Variants in TCF25 observed in about 807,000 individuals in gnomAD.
TCF25 encodes TCF25 ribosome quality control complex subunit, also known as ribosome quality control complex subunit TCF25.
In TCF25, 41 loss-of-function variants were observed where a neutral mutation model predicts 83.1. That is an observed-to-expected ratio of 0.49 (90% CI 0.38 to 0.64). The LOEUF (loss-of-function observed/expected upper bound fraction) is 0.64. TCF25 is among the 30% of genes least tolerant of loss of function. The probability of loss-of-function intolerance (pLI) is 0.00; values close to 1 mark genes in which losing one functional copy is unlikely to be tolerated. For synonymous variants in TCF25, 458 were observed against 365.0 expected (o/e 1.25, Z -2.90); for missense variants, 979 against 914.5 (o/e 1.07, Z -0.91).
intron 5 of TCF25, chr16:89,890,131 A>G (rs938319317): frequency 6.6e-6 from 1 of 151,496 alleles, no homozygotes; most frequent in Non-Finnish European, 1.5e-5. Flanking sequence ...CGGCCTCCCA[A>G]AGTGCTGGGA....
chr16:89,883,698 G>A (rs941651026), intron 2 of TCF25, 186 bp downstream of exon 2: 37 of 664,926 alleles, frequency 5.6e-5, no homozygotes, highest in African/African-American at 4.0e-4. Flanking sequence ...AGTGAAGGTC[G>A]CAGGCCTTTC....
Position 89,910,648 on chromosome 16 carries a change from A to G in TCF25, c.1857A>G (p.Pro619=). ...TIALFFRSLL[P]NYTMEGERPE... ...CTCTCTTCTTCCGGTCACTGTTGCCAAACTATACCATGGAGGTAGGTTGAG... is the reference window on the plus strand; with the variant it reads ...CTCTCTTCTTCCGGTCACTGTTGCCGAACTATACCATGGAGGTAGGTTGAG... Residue 619 remains proline, a synonymous_variant, in exon 17 of 18, where the codon CCA becomes CCG. Coordinates refer to ENST00000263346, the MANE Select transcript of TCF25 (RefSeq NM_014972.3). 1.2e-6 allele frequency: 2 copies of G among 1,613,594 alleles called. No individual in the cohort carries two copies. The highest frequency in any genetic ancestry group is 1.1e-5 in the South Asian group (1 of 91,090).
intron 15 of TCF25, among the ~76,000 whole-genome samples, chr16:89,906,876 C>T (rs1184889900): frequency 2.6e-5 from 4 of 152,082 alleles, no homozygotes; most frequent in African/African-American, 9.7e-5. Flanking sequence ...CTGTGCAACC[C>T]GAGGGCAGCT....
intron 17 of TCF25, 139 bp downstream of exon 17, chr16:89,910,802 C>T: frequency 9.5e-7 from 1 of 1,057,866 alleles, no homozygotes. Context: ...CTGCATTGTG[C>T]CAGTGGGGTG....
chr16:89,874,131 C>T (rs1463591122), intron 1 of TCF25, among the ~76,000 whole-genome samples: 2 of 115,180 alleles, frequency 1.7e-5, no homozygotes, highest in African/African-American at 6.6e-5. Flanking sequence ...CGGGGCCGTG[C>T]TGTCGGGGCG....
At chr16:89,886,025 T>C (rs2042985022) in intron 4 of TCF25, 59 bp downstream of exon 4, 1 of 1,408,744 alleles carries the variant, frequency 7.1e-7, no homozygotes, top group Non-Finnish European at 1.0e-6. Flanking sequence ...TCTCTGCGGC[T>C]GCCCTTCTCT....
chr16:89,911,289 T>A lies in TCF25; in HGVS notation c.*51T>A. Reference sequence around the variant, plus strand: ...CGTATGATGATGTTCCCGATTTCTCTGTTGGTCGGAGTCGGCCAGTTGCCT... The same window carrying A: ...CGTATGATGATGTTCCCGATTTCTCAGTTGGTCGGAGTCGGCCAGTTGCCT... On this transcript the variant is annotated 3_prime_UTR_variant, in exon 18 of 18. Transcript: ENST00000263346. 6.2e-7 allele frequency: 1 copy of A among 1,600,026 alleles called. No individual in the cohort carries two copies. The highest frequency in any genetic ancestry group is 8.5e-7 in the Non-Finnish European group (1 of 1,170,422).
intron 5 of TCF25, among the ~76,000 whole-genome samples, chr16:89,891,874 T>G (rs2043457956): frequency 6.6e-6 from 1 of 152,150 alleles, no homozygotes; most frequent in African/African-American, 2.4e-5. Flanking sequence ...TTTGCTGTCT[T>G]GCCCAGGCCA....
chr16:89,883,783 G>A (rs999988453), intron 2 of TCF25: 21 of 375,216 alleles, frequency 5.6e-5, no homozygotes, highest in East Asian at 4.8e-4. Context: ...CTAGCCAACC[G>A]CGCACGTGTG....
At chr16:89,909,108 G>T (rs1296071993) in intron 16 of TCF25, 1 of 1,289,428 alleles carries the variant, frequency 7.8e-7, no homozygotes, top group Non-Finnish European at 1.0e-6. Context: ...GTGGAAGCAG[G>T]TGTGCAGTGA....
chr16:89,893,083 C>G (rs1279301699), intron 6 of TCF25, among the ~76,000 whole-genome samples: 1 of 152,192 alleles, frequency 6.6e-6, no homozygotes, highest in African/African-American at 2.4e-5. Flanking sequence ...TCACTGCAGA[C>G]AGGGGTTCCA....
intron 4 of TCF25, among the ~76,000 whole-genome samples, chr16:89,886,371 T>C (rs2144040140): frequency 6.6e-6 from 1 of 152,104 alleles, no homozygotes; most frequent in Non-Finnish European, 1.5e-5. Flanking sequence ...GAGCTTGCAG[T>C]GAGTCGAGAT....
rs2044881663 is a variant in TCF25, at chr16:89,907,336, T to TCCAGTTCCCACCTC, written c.1799+19_1799+32dup. On this transcript the variant is annotated intron_variant, in intron 16 of 17. Coordinates refer to ENST00000263346, the MANE Select transcript of TCF25 (RefSeq NM_014972.3). ...CAGGCCAGAGAGGTACCTCCCTCCT[T>TCCAGTTCCCACCTC]CCAGTTCCCACCTCCCAGCTCCCAC... 3.6e-6 allele frequency: 5 copies of TCCAGTTCCCACCTC among 1,383,164 alleles called. No individual in the cohort carries two copies. Among genetic ancestry groups the TCCAGTTCCCACCTC allele is most frequent in the Non-Finnish European group, 4.8e-6 (5 of 1,046,824 alleles). 85.7% of individuals were successfully genotyped at this position (1,383,164 alleles called of 1,614,324 possible).
chr16:89,895,356 G>A (rs1466239649), intron 8 of TCF25, among the ~76,000 whole-genome samples: 6 of 152,124 alleles, frequency 3.9e-5, no homozygotes, highest in South Asian at 2.1e-4. Context: ...ACAGGCGCCC[G>A]CCACCAGACC....
At chr16:89,876,597 C>T (rs575529158) in intron 1 of TCF25, among the ~76,000 whole-genome samples, 1 of 152,098 alleles carries the variant, frequency 6.6e-6, no homozygotes, top group Admixed American at 6.6e-5. Context: ...TCGAGAGCAG[C>T]CTGGCCAACA....
chr16:89,905,938 C>G (rs899807596), intron 14 of TCF25, among the ~76,000 whole-genome samples: 11 of 152,202 alleles, frequency 7.2e-5, no homozygotes, highest in African/African-American at 2.2e-4. Context: ...CTACGGCTCT[C>G]ATCGTTCTTG....
In TCF25 at chr16:89,873,831, G is replaced by C. The variant is rs1266705077; in HGVS notation, c.164G>C (p.Gly55Ala). 4.4e-6 allele frequency: 7 copies of C among 1,577,508 alleles called. No homozygotes were observed. The South Asian group carries it at 8.1e-5, about 18-fold the overall frequency. The change falls in exon 1 of 18, where the codon GGC (glycine) becomes GCC (alanine). Residue 55 changes from glycine to alanine, a missense_variant. Coordinates refer to ENST00000263346, the MANE Select transcript of TCF25 (RefSeq NM_014972.3). Reference sequence around the variant, plus strand: ...CGTCCCGGGGGCGCAGGGAAGGAGGGCGTCCGAGTCAACAACCGCTTCGAG... The same window carrying C: ...CGTCCCGGGGGCGCAGGGAAGGAGGCCGTCCGAGTCAACAACCGCTTCGAG... Reference protein sequence around the residue: ...VRRPGGAGKEGVRVNNRFELI... With the variant: ...VRRPGGAGKEAVRVNNRFELI...
In TCF25 at chr16:89,894,066, C is replaced by G. The variant is rs1480621639; in HGVS notation, c.828+208C>G. ...AGGCCAAGCGAGCTCCATCCATACTCAGAGGAGAGGCTGGAGCGCTGCTCT... is the reference window on the plus strand; with the variant it reads ...AGGCCAAGCGAGCTCCATCCATACTGAGAGGAGAGGCTGGAGCGCTGCTCT... On this transcript the variant is annotated intron_variant, in intron 7 of 17. Coordinates refer to ENST00000263346, the MANE Select transcript of TCF25 (RefSeq NM_014972.3). Among the ~76,000 whole-genome samples the G allele has an allele frequency of 2.6e-5, 4 of 152,300 alleles. No individual in the cohort carries two copies. The East Asian group carries it at 7.7e-4, about 29-fold the overall frequency.
At position 89,888,982 on chromosome 16, in the gene TCF25, C is replaced by T. The variant is rs541876104; in HGVS notation, c.614+1265C>T. 1.7e-4 allele frequency among the ~76,000 whole-genome samples: 26 copies of T among 151,658 alleles called. No individual in the cohort carries two copies. In the South Asian group the frequency reaches 2.5e-3, roughly 15 times the overall value. Reference sequence around the variant, plus strand: ...GATTACAGGCGTGAGCCATGGCGCCCGGCCCAGATAAATTTCATCTGTGTC... The same window carrying T: ...GATTACAGGCGTGAGCCATGGCGCCTGGCCCAGATAAATTTCATCTGTGTC... On this transcript the variant is annotated intron_variant, in intron 5 of 17. Coordinates refer to ENST00000263346, the MANE Select transcript of TCF25 (RefSeq NM_014972.3).
Sources: gnomAD v4.1 joint callset for allele counts (sites outside exome capture counted in the v4.1 genomes callset) on GRCh38, gnomAD v4.1.1 for gene constraint, MANE v1.5 for transcripts, NCBI Gene and HGNC (gene_info 2026-07-23, HGNC 2026-07-21) for gene names.